THRB: variants seen among roughly 807,000 people sequenced by gnomAD.
The protein encoded by THRB is thyroid hormone receptor beta.
In THRB, 12 loss-of-function variants were observed where a neutral mutation model predicts 47.8. That is an observed-to-expected ratio of 0.25 (90% CI 0.16 to 0.41). The LOEUF (loss-of-function observed/expected upper bound fraction) is 0.41, where lower values mean the gene tolerates loss of function less well. Ranked by LOEUF, THRB falls within the 10% of genes least tolerant of loss-of-function variation. The pLI is 1.00. For synonymous variants in THRB, 218 were observed against 212.2 expected (o/e 1.03, Z -0.24); for missense variants, 348 against 589.2 (o/e 0.59, Z 4.24).
intron 4 of THRB, among the ~76,000 whole-genome samples, chr3:24,205,578 A>T (rs1252262874): frequency 1.3e-5 from 2 of 152,242 alleles, no homozygotes; most frequent in Non-Finnish European, 2.9e-5. Flanking sequence ...GATGCTAGAA[A>T]GAAACTGCAT....
rs560332264 is a variant in THRB, at chr3:24,317,407, G to A, written c.-189+19893C>T. Reference sequence around the variant, plus strand: ...CCATGGCTGCCTCTGTTGTGCTCACGGCAGAAGGTTCCCAACACCATCAGG... The same window carrying A: ...CCATGGCTGCCTCTGTTGTGCTCACAGCAGAAGGTTCCCAACACCATCAGG... On this transcript the variant is annotated intron_variant, in intron 2 of 10. Coordinates refer to ENST00000646209, the MANE Select transcript of THRB (RefSeq NM_001354712.2). 7.2e-5 allele frequency among the ~76,000 whole-genome samples: 11 copies of A among 152,214 alleles called. 1 individual carries two copies. In the South Asian group the frequency reaches 8.3e-4, roughly 12 times the overall value.
chr3:24,144,756 A>G (rs2035882206), intron 7 of THRB: 1 of 152,156 alleles, frequency 6.6e-6, no homozygotes, highest in Non-Finnish European at 1.5e-5. Flanking sequence ...CACAGAAAGA[A>G]GAAGAAATTG....
At chr3:24,246,675 G>T (rs1381458668) in intron 3 of THRB, among the ~76,000 whole-genome samples, 1 of 152,092 alleles carries the variant, frequency 6.6e-6, no homozygotes, top group African/African-American at 2.4e-5. Context: ...CCCAGTGAGA[G>T]AATATTTAGA....
chr3:24,318,400 C>A (rs936458111), intron 2 of THRB: 1 of 152,284 alleles, frequency 6.6e-6, no homozygotes. Flanking sequence ...GGGATGCCCC[C>A]CTTCTCGTTG....
At chr3:24,143,827 G>C in intron 7 of THRB, 121 bp from the exon 8 acceptor site, 1 of 979,206 alleles carries the variant, frequency 1.0e-6, no homozygotes, top group Non-Finnish European at 1.6e-6. Context: ...TGGGTCCTTC[G>C]GGGTGGGTCA....
rs58200122 is a variant in THRB at position 24,269,442 on chromosome 3, C to CACACACATATACAT, written c.-43+27783_-43+27784insATGTATATGTGTGT. On this transcript the variant is annotated intron_variant, in intron 3 of 10. Transcript: ENST00000646209. ...ACACACACACACACACACACACACA[C>CACACACATATACAT]TTAAGTTATCTTCGCTGTGTTGTCC... Among the ~76,000 whole-genome samples, 502 of 140,972 alleles carry CACACACATATACAT rather than the reference C, an allele frequency of 3.6e-3. 5 individuals carry two copies. The highest frequency in any genetic ancestry group is 0.013 in the African/African-American group (466 of 36,430). The allele number at this position is 140,972 out of a possible 152,430, so 92.5% of individuals were successfully genotyped here. A position where few individuals can be genotyped will look rare whatever the true frequency, so the allele number is the denominator to read the frequency against.
intron 3 of THRB, among the ~76,000 whole-genome samples, chr3:24,248,623 G>A (rs1309823165): frequency 6.6e-6 from 1 of 152,178 alleles, no homozygotes; most frequent in Non-Finnish European, 1.5e-5. Context: ...AGACTGGAAG[G>A]TGAGGAGAAG....
chr3:24,485,704 T>A (rs943917218), intron 1 of THRB, among the ~76,000 whole-genome samples: 3 of 152,184 alleles, frequency 2.0e-5, no homozygotes, highest in Admixed American at 2.0e-4. Context: ...TCCTTACAAT[T>A]TCCCAAATGC....
intron 3 of THRB, among the ~76,000 whole-genome samples, chr3:24,269,041 T>C (rs2150600022): frequency 6.6e-6 from 1 of 152,258 alleles, no homozygotes; most frequent in Non-Finnish European, 1.5e-5. Context: ...AGTGACCTAG[T>C]CCCACAGATG....
At chr3:24,219,730 C>T (rs918179710) in intron 4 of THRB, among the ~76,000 whole-genome samples, 3 of 152,234 alleles carry the variant, frequency 2.0e-5, no homozygotes, top group African/African-American at 7.2e-5. Flanking sequence ...CCCTCTACAT[C>T]AGTGATTCTC....
At chr3:24,442,945 G>A (rs866197669) in intron 1 of THRB, among the ~76,000 whole-genome samples, 1 of 152,146 alleles carries the variant, frequency 6.6e-6, no homozygotes, top group Non-Finnish European at 1.5e-5. Flanking sequence ...CATTCTGGGA[G>A]GCCGAGGCGG....
intron 1 of THRB, among the ~76,000 whole-genome samples, chr3:24,397,319 A>C (rs1343474060): frequency 1.3e-5 from 2 of 152,154 alleles, no homozygotes; most frequent in African/African-American, 4.8e-5. Context: ...CATCAAAACA[A>C]ATTATTGCCA....
At chr3:24,343,779 G>C (rs2062834506) in intron 1 of THRB, among the ~76,000 whole-genome samples, 1 of 151,848 alleles carries the variant, frequency 6.6e-6, no homozygotes, top group Admixed American at 6.6e-5. Context: ...CATCTCTGCT[G>C]TAAGGCATTT....
chr3:24,246,571 G>A (rs760655700), intron 3 of THRB, among the ~76,000 whole-genome samples: 1 of 152,184 alleles, frequency 6.6e-6, no homozygotes, highest in Non-Finnish European at 1.5e-5. Flanking sequence ...TTCTTTGGGG[G>A]CAGCAGCATT....
intron 3 of THRB, among the ~76,000 whole-genome samples, chr3:24,265,852 A>C (rs552176071): frequency 6.6e-6 from 1 of 152,316 alleles, no homozygotes; most frequent in Admixed American, 6.5e-5. Context: ...AAAGACAAGC[A>C]ACAAAATAAA....
chr3:24,377,849 T>A (rs1020303343), intron 1 of THRB, among the ~76,000 whole-genome samples: 6 of 152,036 alleles, frequency 3.9e-5, no homozygotes, highest in Admixed American at 1.3e-4. Flanking sequence ...CATGAGTCTA[T>A]GAAATAAGGG....
At chr3:24,310,702 A>G (rs1359920855) in intron 2 of THRB, among the ~76,000 whole-genome samples, 2 of 152,170 alleles carry the variant, frequency 1.3e-5, no homozygotes, top group Admixed American at 6.5e-5. Context: ...ACATTTGGCA[A>G]TGTCTGCAAA....
chr3:24,400,052 G>A (rs188093200), intron 1 of THRB, among the ~76,000 whole-genome samples: 1 of 152,204 alleles, frequency 6.6e-6, no homozygotes, highest in East Asian at 1.9e-4. Flanking sequence ...ACCAAATGAC[G>A]GCTTCAAACA....
At chr3:24,157,459 A>G (rs1222472032) in intron 5 of THRB, among the ~76,000 whole-genome samples, 2 of 152,134 alleles carry the variant, frequency 1.3e-5, no homozygotes, top group Non-Finnish European at 2.9e-5. Flanking sequence ...AAGGGACAAC[A>G]TGAGTTTTGG....
Sources: allele counts gnomAD v4.1 joint callset (sites outside exome capture counted in the v4.1 genomes callset), GRCh38; gene constraint gnomAD v4.1.1; transcripts MANE v1.5; gene names NCBI Gene and HGNC (gene_info 2026-07-23, HGNC 2026-07-21).